PCDH15: variants seen among roughly 807,000 people sequenced by gnomAD.
The protein encoded by PCDH15 is protocadherin related 15.
In PCDH15, 129 loss-of-function variants were observed where a neutral mutation model predicts 178.5. The observed-to-expected ratio is 0.72, with a 90% CI of 0.63 to 0.84. The LOEUF is 0.84. Ranked by LOEUF, PCDH15 falls within the 40% of genes least tolerant of loss-of-function variation. The pLI, the probability that PCDH15 is intolerant of heterozygous loss-of-function variation, is 0.00. For synonymous variants in PCDH15, 800 were observed against 732.0 expected (o/e 1.09, Z -1.50); for missense variants, 2,230 against 2,099.9 (o/e 1.06, Z -1.21).
At chr10:54,783,140 A>G (rs67169767) in intron 1 of PCDH15, among the ~76,000 whole-genome samples, 28,417 of 152,154 alleles carry the variant, frequency 0.19, 2,906 homozygotes, top group Non-Finnish European at 0.24. Context: ...CATCTCTAAA[A>G]GGAAATCTAT....
intron 2 of PCDH15, among the ~76,000 whole-genome samples, chr10:54,565,857 G>A (rs879558446): frequency 3.3e-5 from 5 of 152,104 alleles, no homozygotes; most frequent in Admixed American, 6.6e-5. Flanking sequence ...GGCCAAGGCA[G>A]GTGGATCACT....
At chr10:54,536,529 A>G (rs2084544181) in intron 2 of PCDH15, among the ~76,000 whole-genome samples, 1 of 152,160 alleles carries the variant, frequency 6.6e-6, no homozygotes, top group African/African-American at 2.4e-5. Context: ...TTTAGGAGGT[A>G]TACAATATGC....
chr10:54,583,601 G>T (rs1438368014), intron 2 of PCDH15, among the ~76,000 whole-genome samples: 2 of 152,034 alleles, frequency 1.3e-5, no homozygotes, highest in Non-Finnish European at 2.9e-5. Flanking sequence ...CAAACACATA[G>T]AAATTCTAAC....
chr10:54,306,669 C>G (rs2060491108), intron 8 of PCDH15, among the ~76,000 whole-genome samples: 1 of 151,806 alleles, frequency 6.6e-6, no homozygotes, highest in Admixed American at 6.6e-5. Context: ...GGTACCATGT[C>G]TTAGCCAAGT....
At chr10:53,818,969 G>GAA (rs1386653654) in intron 33 of PCDH15, among the ~76,000 whole-genome samples, 1 of 151,784 alleles carries the variant, frequency 6.6e-6, no homozygotes, top group African/African-American at 2.4e-5. Flanking sequence ...ATTGTATATT[G>GAA]AAACTGTTTG....
intron 3 of PCDH15, among the ~76,000 whole-genome samples, chr10:54,874,087 G>T (rs1281237083): frequency 1.6e-5 from 1 of 62,802 alleles, no homozygotes; most frequent in Non-Finnish European, 2.9e-5. Context: ...TCGTCATCTA[G>T]CATTAGGTAT....
At chr10:55,472,998 T>A (rs1166234274) in intron 2 of PCDH15, among the ~76,000 whole-genome samples, 1 of 152,184 alleles carries the variant, frequency 6.6e-6, no homozygotes, top group East Asian at 1.9e-4. Context: ...ACCCTGCTAA[T>A]AATTTTGCAA....
chr10:54,405,383 C>G (rs111249850), intron 3 of PCDH15, among the ~76,000 whole-genome samples: 2,985 of 151,982 alleles, frequency 0.02, 104 homozygotes, highest in African/African-American at 0.066. Context: ...GTCTTTTGCA[C>G]GAACATGGAT....
At chr10:54,593,717 A>G (rs1309698927) in intron 2 of PCDH15, among the ~76,000 whole-genome samples, 2 of 152,128 alleles carry the variant, frequency 1.3e-5, no homozygotes, top group Non-Finnish European at 2.9e-5. Context: ...AAAGAATGCC[A>G]TTGGAATTTT....
chr10:55,008,328 G>C (rs1053217200), intron 2 of PCDH15, among the ~76,000 whole-genome samples: 1 of 151,792 alleles, frequency 6.6e-6, no homozygotes, highest in Non-Finnish European at 1.5e-5. Context: ...GCTTAGTATC[G>C]GTAATCACAG....
chr10:54,075,446 T>A (rs1289445067), intron 17 of PCDH15, among the ~76,000 whole-genome samples: 1 of 152,162 alleles, frequency 6.6e-6, no homozygotes, highest in Non-Finnish European at 1.5e-5. Flanking sequence ...TTGCAAATAT[T>A]TTCTCCCATT....
chr10:54,137,004 C>G (rs777774957), intron 14 of PCDH15, among the ~76,000 whole-genome samples: 11 of 152,160 alleles, frequency 7.2e-5, no homozygotes, highest in Non-Finnish European at 1.3e-4. Context: ...GGGTTACTGC[C>G]TTTTAAAATG....
intron 18 of PCDH15, among the ~76,000 whole-genome samples, chr10:54,044,799 G>A (rs963868290): frequency 2.0e-5 from 3 of 152,062 alleles, no homozygotes; most frequent in African/African-American, 4.8e-5. Context: ...AACTAAAGCC[G>A]CATCATTGTG....
intron 17 of PCDH15, among the ~76,000 whole-genome samples, chr10:54,070,502 C>T (rs973325365): frequency 6.6e-6 from 1 of 152,190 alleles, no homozygotes; most frequent in African/African-American, 2.4e-5. Flanking sequence ...TCGCACCCAG[C>T]TTACTGTTGT....
At chr10:54,909,887 C>T (rs544476421) in intron 2 of PCDH15, among the ~76,000 whole-genome samples, 2 of 152,244 alleles carry the variant, frequency 1.3e-5, no homozygotes, top group Non-Finnish European at 2.9e-5. Context: ...AGGCCCCTCA[C>T]GATGGCTCCC....
intron 2 of PCDH15, among the ~76,000 whole-genome samples, chr10:54,598,942 G>C (rs2092381506): frequency 6.6e-6 from 1 of 151,482 alleles, no homozygotes. Flanking sequence ...TCTACAATGA[G>C]AACTATAAAA....
In PCDH15 at chr10:54,143,972, T is replaced by C. The variant is rs542311945; in HGVS notation, c.1784+9128A>G. ...TCCAGAAAAGCCAGTGTAGGTCCTA[T>C]ATAAACAATGAACCTTGTTGCACTT... On this transcript the variant is annotated intron_variant, in intron 14 of 37. Transcript: ENST00000644397. 5.3e-5 allele frequency among the ~76,000 whole-genome samples: 8 copies of C among 152,078 alleles called. No homozygotes were observed. The South Asian group carries it at 1.7e-3, about 32-fold the overall frequency.
At chr10:55,454,351 T>G (rs1338129265) in intron 2 of PCDH15, among the ~76,000 whole-genome samples, 1 of 152,122 alleles carries the variant, frequency 6.6e-6, no homozygotes, top group Non-Finnish European at 1.5e-5. Flanking sequence ...AGTTCAATAA[T>G]ATATAATTTC....
At chr10:55,048,800 T>G (rs1841080601) in intron 2 of PCDH15, among the ~76,000 whole-genome samples, 1 of 152,138 alleles carries the variant, frequency 6.6e-6, no homozygotes, top group Middle Eastern at 3.4e-3. Flanking sequence ...TTTCAGTTTT[T>G]GGCACAGCTT....
Sources: allele counts gnomAD v4.1 joint callset (sites outside exome capture counted in the v4.1 genomes callset), GRCh38; gene constraint gnomAD v4.1.1; transcripts MANE v1.5; gene names NCBI Gene and HGNC (gene_info 2026-07-23, HGNC 2026-07-21).